The following GLG1 variants were observed in gnomAD, a reference collection of about 807,000 sequenced individuals.
GLG1 encodes the protein Golgi apparatus protein 1.
In GLG1, 38 loss-of-function variants were observed where a neutral mutation model predicts 160.5. That is an observed-to-expected ratio of 0.24 (90% CI 0.18 to 0.31). The LOEUF is 0.31. Ranked by LOEUF, GLG1 falls within the 10% of genes least tolerant of loss-of-function variation. GLG1 has a pLI of 1.00. For missense variants in GLG1, 1,373 were observed against 1,505.2 expected (o/e 0.91, Z 1.45); for synonymous variants, 644 against 543.4 (o/e 1.19, Z -2.57).
chr16:74,506,080 GA>G (rs1292583599), intron 3 of GLG1, among the ~76,000 whole-genome samples: 2 of 85,700 alleles, frequency 2.3e-5, no homozygotes, highest in Non-Finnish European at 4.9e-5. Context: ...TCCTGGAAAA[GA>G]TTTTTTTTTT....
At chr16:74,528,965 T>C (rs1262031545) in intron 2 of GLG1, among the ~76,000 whole-genome samples, 80 of 125,340 alleles carry the variant, frequency 6.4e-4, no homozygotes, top group African/African-American at 2.3e-3. Context: ...TCCCATTCTG[T>C]CTGCCTTTTT....
chr16:74,457,800 C>A, intron 24 of GLG1, 74 bp downstream of exon 24: 2 of 1,409,324 alleles, frequency 1.4e-6, no homozygotes, highest in Non-Finnish European at 2.0e-6. Flanking sequence ...GTAGCTGCAA[C>A]TGATGTCTAA....
At chr16:74,525,536 T>C (rs911452156) in intron 2 of GLG1, among the ~76,000 whole-genome samples, 1 of 150,708 alleles carries the variant, frequency 6.6e-6, no homozygotes, top group Non-Finnish European at 1.5e-5. Context: ...CCTCAAACTA[T>C]CCTCCGGTAT....
At chr16:74,536,644 AG>A (rs1232758237) in intron 1 of GLG1, among the ~76,000 whole-genome samples, 1 of 152,204 alleles carries the variant, frequency 6.6e-6, no homozygotes, top group African/African-American at 2.4e-5. Context: ...CTTGGGGGTC[AG>A]GAAGAAAATA....
At chr16:74,512,125 T>A (rs1391288056) in intron 2 of GLG1, among the ~76,000 whole-genome samples, 3 of 151,242 alleles carry the variant, frequency 2.0e-5, no homozygotes, top group Non-Finnish European at 4.4e-5. Flanking sequence ...CCTCATCTTC[T>A]GGCAACCATT....
At chr16:74,548,053 C>T in intron 1 of GLG1, among the ~76,000 whole-genome samples, 1 of 152,192 alleles carries the variant, frequency 6.6e-6, no homozygotes, top group Non-Finnish European at 1.5e-5. Context: ...CCTCAGCCTC[C>T]CGAGTAGCTG....
chr16:74,598,748 C>T (rs901009157), intron 1 of GLG1, among the ~76,000 whole-genome samples: 5 of 148,474 alleles, frequency 3.4e-5, no homozygotes, highest in African/African-American at 1.2e-4. Context: ...GCCGGGTGTG[C>T]TGGCAAGTGC....
In GLG1 at chr16:74,508,850, T is replaced by C. The variant is rs201698458; in HGVS notation, c.547A>G (p.Thr183Ala). ...ESVAREVCKS[T>A]ITEIKECADE... is the part of the protein sequence containing the mutation. ...CTTTGACAACTTACCTCTGTTATAG[T>C]AGATTTGCAAACCTCTCTGGCCACA... Residue 183 changes from threonine (T) to alanine (A), a missense_variant, in exon 3 of 26, where the codon ACT becomes GCT. Coordinates refer to ENST00000422840, the MANE Select transcript of GLG1 (RefSeq NM_001145667.2). 2 of 1,454,898 alleles carry C rather than the reference T, an allele frequency of 1.4e-6. No individual in the cohort carries two copies. Among genetic ancestry groups the C allele is most frequent in the South Asian group, 1.1e-5 (1 of 87,858 alleles). 90.1% of individuals were successfully genotyped at this position (1,454,898 alleles called of 1,614,324 possible).
intron 1 of GLG1, among the ~76,000 whole-genome samples, chr16:74,532,474 A>G (rs2017568291): frequency 6.6e-6 from 1 of 152,138 alleles, no homozygotes; most frequent in Non-Finnish European, 1.5e-5. Context: ...AGGACACTTT[A>G]TAATTCACTT....
At chr16:74,508,996 T>C in intron 2 of GLG1, 71 bp from the exon 3 acceptor site, 1 of 707,072 alleles carries the variant, frequency 1.4e-6, no homozygotes, top group East Asian at 2.5e-5. Context: ...ATTATCAACG[T>C]TAAATGACAA....
At chr16:74,466,542 G>C (rs1019572) in intron 18 of GLG1, among the ~76,000 whole-genome samples, 44,173 of 151,938 alleles carry the variant, frequency 0.29, 6,606 homozygotes, top group Middle Eastern at 0.39. Flanking sequence ...AACTAGTTGA[G>C]GAACACTAAT....
intron 5 of GLG1, 80 bp from the exon 6 acceptor site, chr16:74,494,911 T>C: frequency 1.4e-6 from 1 of 737,076 alleles, no homozygotes; most frequent in Non-Finnish European, 2.5e-6. Flanking sequence ...CATATAGAGC[T>C]TTCTATTAAA....
At chr16:74,553,496 G>A (rs1280904495) in intron 1 of GLG1, among the ~76,000 whole-genome samples, 22 of 124,934 alleles carry the variant, frequency 1.8e-4, no homozygotes, top group Non-Finnish European at 3.2e-4. Context: ...TTTTTGAAAC[G>A]GAGTCTCGCT....
intron 2 of GLG1, among the ~76,000 whole-genome samples, chr16:74,525,915 G>A (rs1216759158): frequency 2.0e-5 from 3 of 152,112 alleles, no homozygotes; most frequent in Admixed American, 1.3e-4. Context: ...CAGCACTTTG[G>A]GAGGCTGAGG....
intron 4 of GLG1, among the ~76,000 whole-genome samples, chr16:74,497,871 C>G (rs768183345): frequency 6.6e-6 from 1 of 152,158 alleles, no homozygotes. Flanking sequence ...TTAATACTCA[C>G]GTTGATGTTC....
intron 15 of GLG1, among the ~76,000 whole-genome samples, chr16:74,470,531 C>G (rs535052241): frequency 6.7e-6 from 1 of 149,954 alleles, no homozygotes; most frequent in South Asian, 2.1e-4. Context: ...TCACTGCAAC[C>G]TCTGCCTCCC....
At chr16:74,604,080 CG>C (rs1479383189) in intron 1 of GLG1, among the ~76,000 whole-genome samples, 10 of 152,118 alleles carry the variant, frequency 6.6e-5, no homozygotes, top group Admixed American at 6.5e-4. Flanking sequence ...CACTTGAACC[CG>C]GAATGTGGAG....
chr16:74,502,493 A>T (rs1235795493), intron 4 of GLG1, among the ~76,000 whole-genome samples: 1 of 152,130 alleles, frequency 6.6e-6, no homozygotes, highest in East Asian at 1.9e-4. Context: ...CACATATCTT[A>T]AAATTTTCTG....
Position 74,451,903 on chromosome 16 carries a change from A to G in GLG1, c.*1264T>C, listed in dbSNP as rs1269217794. The G allele has an allele frequency of 1.1e-5, 7 of 621,748 alleles. No individual in the cohort carries two copies. The highest frequency in any genetic ancestry group is 2.7e-5 in the East Asian group (1 of 36,412). 38.5% of individuals were successfully genotyped at this position (621,748 alleles called of 1,614,324 possible). A position where few individuals can be genotyped will look rare whatever the true frequency, so the allele number is the denominator to read the frequency against. ...ATCGCCAAAATACAACATTTAGCCA[A>G]TGCCTACTAGAGTGGGTACACGCAG... On this transcript the variant is annotated 3_prime_UTR_variant, in exon 26 of 26. Transcript: ENST00000422840.
Sources: gnomAD v4.1 joint callset for allele counts (sites outside exome capture counted in the v4.1 genomes callset) on GRCh38, gnomAD v4.1.1 for gene constraint, MANE v1.5 for transcripts, NCBI Gene and HGNC (gene_info 2026-07-23, HGNC 2026-07-21) for gene names.